GRIP2: variants seen among roughly 807,000 people sequenced by gnomAD.
GRIP2 encodes glutamate receptor-interacting protein 2.
Under a neutral mutation model 108.3 loss-of-function variants are expected in GRIP2, and 58 were observed. The observed-to-expected ratio is 0.54, with a 90% CI of 0.43 to 0.67. The LOEUF (loss-of-function observed/expected upper bound fraction) is 0.67, where lower values mean the gene tolerates loss of function less well. Ranked by LOEUF, GRIP2 falls within the 30% of genes least tolerant of loss-of-function variation. The pLI, the probability that GRIP2 is intolerant of heterozygous loss-of-function variation, is 0.00. For missense variants in GRIP2, 1,278 were observed against 1,430.6 expected (o/e 0.89, Z 1.72); for synonymous variants, 586 against 598.2 (o/e 0.98, Z 0.30).
the GRIP2 span, among the ~76,000 whole-genome samples, chr3:14,598,906 C>G: frequency 6.6e-6 from 1 of 152,162 alleles, no homozygotes; most frequent in African/African-American, 2.4e-5. Flanking sequence ...TGGGCCTTCT[C>G]ACTCTTTAGT....
Position 14,505,253 on chromosome 3 carries a change from G to A in GRIP2, c.2573+362C>T, listed in dbSNP as rs1006207842. 2.6e-5 allele frequency among the ~76,000 whole-genome samples: 4 copies of A among 152,178 alleles called. No homozygotes were observed. Among genetic ancestry groups the A allele is most frequent in the South Asian group, 2.1e-4 (1 of 4,830 alleles). On this transcript the variant is annotated intron_variant, in intron 20 of 23. Transcript: ENST00000621039. The surrounding 1 kb of genome is among the most constrained non-coding windows in gnomAD (Gnocchi z 4.2). ...CTCGGCACAGCCCAGGGATGGTGCCGGTGGGCTGAGGGCCCTCGCAGGAGG... is the reference window on the plus strand; with the variant it reads ...CTCGGCACAGCCCAGGGATGGTGCCAGTGGGCTGAGGGCCCTCGCAGGAGG...
At chr3:14,532,432 A>G (rs59454717) in intron 1 of GRIP2, among the ~76,000 whole-genome samples, 7,785 of 151,972 alleles carry the variant, frequency 0.051, 277 homozygotes, top group Middle Eastern at 0.12. Context: ...CACTATGGGT[A>G]TTTTTTGCCA....
chr3:14,525,609 C>T, intron 2 of GRIP2, 37 bp from the exon 3 acceptor site: 1 of 1,611,958 alleles, frequency 6.2e-7, no homozygotes, highest in East Asian at 2.2e-5. Context: ...GAGCGGGCAG[C>T]TGGGGCCACC....
At chr3:14,565,862 C>G in the GRIP2 span, among the ~76,000 whole-genome samples, 1 of 152,218 alleles carries the variant, frequency 6.6e-6, no homozygotes, top group East Asian at 1.9e-4. Context: ...ACCAGCACAG[C>G]CCCCATCCTG....
the GRIP2 span, chr3:14,573,134 A>G: frequency 7.0e-7 from 1 of 1,432,928 alleles, no homozygotes; most frequent in Non-Finnish European, 9.8e-7. Context: ...GCAGCAGCCC[A>G]AAGGTGCAGA....
the GRIP2 span, among the ~76,000 whole-genome samples, chr3:14,599,084 T>C: frequency 6.6e-6 from 1 of 152,242 alleles, no homozygotes; most frequent in South Asian, 2.1e-4. Context: ...TTTGTTCACT[T>C]GTTCTTTGTC....
the GRIP2 span, among the ~76,000 whole-genome samples, chr3:14,561,168 C>G: frequency 6.6e-6 from 1 of 152,212 alleles, no homozygotes; most frequent in African/African-American, 2.4e-5. Flanking sequence ...CTTCTGCAGA[C>G]AGCAGCCCCA....
chr3:14,520,337 C>T (rs888489070), intron 8 of GRIP2, 53 bp downstream of exon 8: 53 of 1,610,262 alleles, frequency 3.3e-5, no homozygotes, highest in African/African-American at 1.1e-4. Context: ...AGCTCTGGGC[C>T]GCCTCTCCCC....
the GRIP2 span, among the ~76,000 whole-genome samples, chr3:14,565,938 C>T: frequency 2.0e-5 from 3 of 152,208 alleles, no homozygotes; most frequent in African/African-American, 4.8e-5. Flanking sequence ...CTAGGTGACA[C>T]AGTTCACTCA....
intron 1 of GRIP2, among the ~76,000 whole-genome samples, chr3:14,552,952 T>A (rs1316286728): frequency 6.6e-6 from 1 of 152,054 alleles, no homozygotes; most frequent in African/African-American, 2.4e-5. Flanking sequence ...TCAAGGACCA[T>A]CCATGGCTCC....
chr3:14,599,962 A>C, the GRIP2 span, among the ~76,000 whole-genome samples: 1 of 152,264 alleles, frequency 6.6e-6, no homozygotes, highest in African/African-American at 2.4e-5. Flanking sequence ...GTCTCTCTTC[A>C]AGGAAGATGA....
At chr3:14,519,991 G>A (rs1463931647) in intron 9 of GRIP2, 119 bp downstream of exon 9, 6 of 978,992 alleles carry the variant, frequency 6.1e-6, no homozygotes, top group African/African-American at 3.3e-5. Flanking sequence ...GGGCAAATGA[G>A]GATTTGTCCT....
intron 1 of GRIP2, among the ~76,000 whole-genome samples, chr3:14,532,854 C>T (rs1694745488): frequency 6.6e-6 from 1 of 152,226 alleles, no homozygotes; most frequent in Admixed American, 6.5e-5. Flanking sequence ...GAGGGCGGGG[C>T]TCAGCCTGAG....
At chr3:14,503,727 G>A in intron 20 of GRIP2, 56 bp from the exon 21 acceptor site, 1 of 569,802 alleles carries the variant, frequency 1.8e-6, no homozygotes, top group Non-Finnish European at 3.1e-6. Flanking sequence ...GGCGGGCTGG[G>A]GCCTGAGGAG....
Position 14,505,666 on chromosome 3 carries a change from T to A in GRIP2, c.2522A>T (p.Asp841Val), listed in dbSNP as rs1267019364. ...RRTSYTPTPA[D>V]ESFPEEEEED... ...CTCCTCCTCCTCTGGAAAGCTCTCG[T>A]CAGCTGGGGTTGGGGTATAGCTCGT... Residue 841 changes from aspartate (D) to valine (V), a missense_variant, in exon 20 of 24, where the codon GAC becomes GTC. Asp to Val is a radical substitution (Grantham distance 152). Coordinates refer to ENST00000621039, the MANE Select transcript of GRIP2 (RefSeq NM_001080423.4). This position sits in a 1 kb window ranked among gnomAD's most constrained non-coding sequence, Gnocchi z 4.2. The A allele has an allele frequency of 6.2e-7, 1 of 1,608,490 alleles. No individual in the cohort carries two copies. The highest frequency in any genetic ancestry group is 1.7e-5 in the Admixed American group (1 of 59,268).
chr3:14,599,398 C>T, the GRIP2 span, among the ~76,000 whole-genome samples: 32 of 152,130 alleles, frequency 2.1e-4, no homozygotes, highest in African/African-American at 7.0e-4. Context: ...TCAACTGGGT[C>T]GCAGCGCCTT....
chr3:14,580,681 C>A, the GRIP2 span, among the ~76,000 whole-genome samples: 4 of 152,106 alleles, frequency 2.6e-5, no homozygotes, highest in African/African-American at 9.7e-5. Context: ...CAGCCTGGGC[C>A]ACAGAATGAG....
At chr3:14,574,320 C>A in the GRIP2 span, 6 of 1,012,154 alleles carry the variant, frequency 5.9e-6, no homozygotes, top group Admixed American at 3.5e-5. Flanking sequence ...CCGCTTCTCC[C>A]GGGCGAAGAG....
the GRIP2 span, among the ~76,000 whole-genome samples, chr3:14,578,829 T>C: frequency 7.0e-6 from 1 of 142,970 alleles, no homozygotes; most frequent in Non-Finnish European, 1.5e-5. Context: ...TTTTCACACA[T>C]GGTGACCCAG....
Sources: gnomAD v4.1 joint callset for allele counts (sites outside exome capture counted in the v4.1 genomes callset) on GRCh38, gnomAD v4.1.1 for gene constraint, Gnocchi (gnomAD v3.1) non-coding constraint, MANE v1.5 for transcripts, NCBI Gene and HGNC (gene_info 2026-07-23, HGNC 2026-07-21) for gene names.